The following CADPS2 variants were observed in gnomAD, a reference collection of about 807,000 sequenced individuals.
CADPS2 encodes the protein calcium-dependent secretion activator 2.
CADPS2 carries 93 observed loss-of-function variants against 172.5 expected under a neutral mutation model. The ratio of observed to expected loss-of-function variants is 0.54; its 90% CI spans 0.46 to 0.64. The LOEUF (loss-of-function observed/expected upper bound fraction) is 0.64, where lower values mean the gene tolerates loss of function less well. Among genes scored for constraint, CADPS2 ranks in the 30% least tolerant of loss-of-function variants. CADPS2 has a pLI of 0.00. For synonymous variants in CADPS2, 546 were observed against 555.2 expected (o/e 0.98, Z 0.23); for missense variants, 1,420 against 1,565.9 (o/e 0.91, Z 1.57).
At chr7:122,725,794 T>C (rs996823840) in intron 2 of CADPS2, among the ~76,000 whole-genome samples, 3 of 151,802 alleles carry the variant, frequency 2.0e-5, no homozygotes, top group Admixed American at 6.6e-5. Flanking sequence ...ACCATGGTCT[T>C]GCCTCACATG....
At chr7:122,420,044 G>A (rs972209791) in intron 17 of CADPS2, among the ~76,000 whole-genome samples, 2 of 152,080 alleles carry the variant, frequency 1.3e-5, no homozygotes, top group Non-Finnish European at 2.9e-5. Flanking sequence ...GTCTTGGAGA[G>A]GTTGAAGGTG....
At chr7:122,828,452 A>G (rs1805577774) in intron 1 of CADPS2, among the ~76,000 whole-genome samples, 1 of 151,818 alleles carries the variant, frequency 6.6e-6, no homozygotes, top group Non-Finnish European at 1.5e-5. Context: ...TGTGTTTTCT[A>G]CTTGTTTCCT....
chr7:122,829,671 T>C (rs1805919954), intron 1 of CADPS2, among the ~76,000 whole-genome samples: 1 of 152,214 alleles, frequency 6.6e-6, no homozygotes, highest in Admixed American at 6.5e-5. Context: ...TTCCATCATT[T>C]CATGTATTAA....
chr7:122,427,704 TG>T (rs1325225256), intron 17 of CADPS2, among the ~76,000 whole-genome samples: 1 of 152,186 alleles, frequency 6.6e-6, no homozygotes, highest in African/African-American at 2.4e-5. Flanking sequence ...GCTTTGGTGA[TG>T]GCTTTGTAAC....
In CADPS2 at chr7:122,824,420, C is replaced by T. The variant is rs140648043; in HGVS notation, c.339+61579G>A. Among the ~76,000 whole-genome samples, 148 of 152,298 alleles carry T rather than the reference C, an allele frequency of 9.7e-4. 2 individuals are homozygous for T. The highest frequency in any genetic ancestry group is 1.5e-3 in the Non-Finnish European group (104 of 68,026). ...TCTAAAAGTATTTGTTTTCTTGAAG[C>T]TCTGCCAGCAACAAATATTAAACTT... On this transcript the variant is annotated intron_variant, in intron 1 of 29. Transcript: ENST00000449022.
intron 8 of CADPS2, among the ~76,000 whole-genome samples, chr7:122,519,999 G>T (rs1304608080): frequency 1.3e-5 from 2 of 151,598 alleles, no homozygotes; most frequent in Admixed American, 1.3e-4. Context: ...CAATCTTTTT[G>T]GTGTAAACAT....
intron 1 of CADPS2, among the ~76,000 whole-genome samples, chr7:122,745,670 C>CT (rs1056114072): frequency 1.1e-3 from 152 of 143,906 alleles, no homozygotes; most frequent in African/African-American, 1.7e-3. Context: ...AGAATATCCT[C>CT]TTTTTTTTTT....
At chr7:122,368,136 CCCAACGTACTGG>C (rs1040723202) in intron 25 of CADPS2, 2 of 152,398 alleles carry the variant, frequency 1.3e-5, no homozygotes, top group African/African-American at 4.8e-5. Context: ...ACCTCGACCT[CCCAACGTACTGG>C]GATTACAAGT....
At chr7:122,530,356 G>A (rs1301998982) in intron 8 of CADPS2, among the ~76,000 whole-genome samples, 4 of 145,620 alleles carry the variant, frequency 2.7e-5, no homozygotes, top group Middle Eastern at 3.6e-3. Flanking sequence ...AGTTAATTAA[G>A]CTTCACTCTA....
intron 1 of CADPS2, among the ~76,000 whole-genome samples, chr7:122,755,257 T>G (rs1400783404): frequency 6.6e-6 from 1 of 152,192 alleles, no homozygotes; most frequent in Non-Finnish European, 1.5e-5. Flanking sequence ...AAGCAAACCA[T>G]GCTGACGTCT....
chr7:122,530,437 C>T (rs1203661287), intron 8 of CADPS2, among the ~76,000 whole-genome samples: 1 of 151,530 alleles, frequency 6.6e-6, no homozygotes, highest in Non-Finnish European at 1.5e-5. Context: ...TATTCTATGC[C>T]ATAGTATACT....
chr7:122,877,863 A>G (rs1821627322), intron 1 of CADPS2, among the ~76,000 whole-genome samples: 2 of 152,220 alleles, frequency 1.3e-5, no homozygotes, highest in Non-Finnish European at 1.5e-5. Flanking sequence ...TTAAATTATC[A>G]ACATTTTACT....
intron 15 of CADPS2, among the ~76,000 whole-genome samples, chr7:122,442,991 TA>T (rs1368844441): frequency 4.6e-5 from 7 of 152,222 alleles, no homozygotes; most frequent in Non-Finnish European, 1.0e-4. Flanking sequence ...TTGTATATTA[TA>T]AACCTTAATC....
intron 4 of CADPS2, 116 bp from the exon 5 acceptor site, chr7:122,621,833 T>A (rs1466787658): frequency 1.4e-5 from 9 of 657,200 alleles, no homozygotes; most frequent in Non-Finnish European, 2.3e-5. Flanking sequence ...TCTCAATATA[T>A]CTATCCTACT....
intron 6 of CADPS2, among the ~76,000 whole-genome samples, chr7:122,613,194 C>T (rs1350207064): frequency 6.6e-6 from 1 of 151,908 alleles, no homozygotes. Flanking sequence ...TAAACTTCAT[C>T]AAAATTTTGT....
chr7:122,452,776 A>G (rs563403702), intron 14 of CADPS2, among the ~76,000 whole-genome samples: 5 of 152,298 alleles, frequency 3.3e-5, no homozygotes, highest in Non-Finnish European at 7.4e-5. Context: ...TTTAATGGTT[A>G]TATATAAAAT....
At chr7:122,830,837 C>A (rs1806328105) in intron 1 of CADPS2, among the ~76,000 whole-genome samples, 1 of 152,090 alleles carries the variant, frequency 6.6e-6, no homozygotes. Flanking sequence ...TGCTTTCCAT[C>A]TGCAAATCTC....
At chr7:122,815,927 T>C (rs1446077465) in intron 1 of CADPS2, among the ~76,000 whole-genome samples, 1 of 152,190 alleles carries the variant, frequency 6.6e-6, no homozygotes, top group African/African-American at 2.4e-5. Flanking sequence ...TAGGAGTACA[T>C]GTGAAATTTT....
chr7:122,693,650 T>C (rs1365461883), intron 2 of CADPS2, among the ~76,000 whole-genome samples: 1 of 152,144 alleles, frequency 6.6e-6, no homozygotes, highest in Non-Finnish European at 1.5e-5. Flanking sequence ...TACTACTCTA[T>C]GGGGACTATA....
Sources: gnomAD v4.1 joint callset for allele counts (sites outside exome capture counted in the v4.1 genomes callset) on GRCh38, gnomAD v4.1.1 for gene constraint, MANE v1.5 for transcripts, NCBI Gene and HGNC (gene_info 2026-07-23, HGNC 2026-07-21) for gene names.